Variants in TEX11 observed in about 807,000 individuals in gnomAD.
TEX11 encodes testis expressed 11, also known as testis-expressed protein 11.
In TEX11, 7 loss-of-function variants were observed where a neutral mutation model predicts 84.4. The ratio of observed to expected loss-of-function variants is 0.08; its 90% CI spans 0.05 to 0.16. The LOEUF is 0.16. Ranked by LOEUF, TEX11 falls within the 10% of genes least tolerant of loss-of-function variation. The pLI, the probability that TEX11 is intolerant of heterozygous loss-of-function variation, is 1.00. For synonymous variants in TEX11, 264 were observed against 222.8 expected (o/e 1.18, Z -1.64); for missense variants, 551 against 660.5 (o/e 0.83, Z 1.82).
At chrX:70,832,038 C>T (rs1352790821) in intron 8 of TEX11, among the ~76,000 whole-genome samples, 3 of 111,494 alleles carry the variant, frequency 2.7e-5, no homozygotes, top group Non-Finnish European at 5.7e-5. Context: ...CTGAAAGACA[C>T]GATCTTAATC....
the TEX11 span, among the ~76,000 whole-genome samples, chrX:70,517,515 T>C: frequency 2.7e-5 from 3 of 111,512 alleles, no homozygotes; most frequent in Non-Finnish European, 5.6e-5. Flanking sequence ...GCTGCTGGAT[T>C]AGGTTTGCCA....
At chrX:70,529,318 GAA>G (rs759889253) in intron 29 of TEX11, 131 bp from the exon 30 acceptor site, 4 of 470,195 alleles carry the variant, frequency 8.5e-6, no homozygotes, top group Non-Finnish European at 1.5e-5. Flanking sequence ...GATTTGGGGA[GAA>G]AATACAGTCC....
intron 14 of TEX11, among the ~76,000 whole-genome samples, chrX:70,680,060 C>T: frequency 2.0e-5 from 1 of 49,726 alleles, no homozygotes; most frequent in Non-Finnish European, 4.0e-5. Context: ...TCTGCCCGGC[C>T]ACCACCCCGT....
intron 24 of TEX11, among the ~76,000 whole-genome samples, chrX:70,602,127 C>T (rs1379074454): frequency 3.8e-4 from 43 of 111,977 alleles, no homozygotes; most frequent in African/African-American, 1.4e-3. Flanking sequence ...GCAGAAGCGC[C>T]CCTCACCTCC....
At chrX:70,849,900 T>C (rs1189188231) in intron 7 of TEX11, among the ~76,000 whole-genome samples, 1 of 112,051 alleles carries the variant, frequency 8.9e-6, no homozygotes, top group African/African-American at 3.2e-5. Context: ...CATAGGATCT[T>C]GGTGTTAAAA....
intron 8 of TEX11, 97 bp from the exon 9 acceptor site, chrX:70,806,887 C>T: frequency 1.8e-6 from 1 of 541,264 alleles, no homozygotes; most frequent in East Asian, 3.8e-5. Flanking sequence ...GGTGCCACAT[C>T]ACTCCAGCCT....
At chrX:70,532,023 C>T (rs1406630500) in intron 28 of TEX11, among the ~76,000 whole-genome samples, 1 of 111,487 alleles carries the variant, frequency 9.0e-6, no homozygotes, top group Non-Finnish European at 1.9e-5. Flanking sequence ...AGCCTTTCCT[C>T]AATGTTCTTC....
At chrX:70,594,718 G>T (rs2088981489) in intron 24 of TEX11, among the ~76,000 whole-genome samples, 1 of 110,786 alleles carries the variant, frequency 9.0e-6, no homozygotes, top group South Asian at 4.0e-4. Context: ...GGAGGTAATT[G>T]AATCATGGGG....
chrX:70,564,714 T>A (rs1404304786), intron 25 of TEX11, among the ~76,000 whole-genome samples: 1 of 108,353 alleles, frequency 9.2e-6, no homozygotes, highest in African/African-American at 3.4e-5. Flanking sequence ...TTCATCCATG[T>A]CCCTACAAAG....
the TEX11 span, among the ~76,000 whole-genome samples, chrX:70,515,375 G>A: frequency 5.5e-3 from 592 of 107,267 alleles, 2 homozygotes; most frequent in African/African-American, 0.019. Flanking sequence ...GTGGTGTTTC[G>A]TTTTCTGTCC....
At chrX:70,622,969 C>A (rs1321866173) in intron 20 of TEX11, among the ~76,000 whole-genome samples, 1 of 111,894 alleles carries the variant, frequency 8.9e-6, no homozygotes, top group African/African-American at 3.2e-5. Context: ...AATATTTGGT[C>A]ATTATTCAAA....
intron 9 of TEX11, among the ~76,000 whole-genome samples, chrX:70,798,380 T>G (rs2091168487): frequency 8.9e-6 from 1 of 111,781 alleles, no homozygotes; most frequent in Admixed American, 9.5e-5. Context: ...GTTCATAGAT[T>G]GGAAGACTTA....
chrX:70,618,244 TCTATGGAAAATCA>T (rs1346266270), intron 20 of TEX11, among the ~76,000 whole-genome samples: 1 of 111,266 alleles, frequency 9.0e-6, no homozygotes, highest in Admixed American at 9.5e-5. Context: ...GGTGTATGAC[TCTATGGAAAATCA>T]CTATGGAAAT....
intron 28 of TEX11, among the ~76,000 whole-genome samples, chrX:70,539,038 A>ATATTT: frequency 2.4e-5 from 1 of 41,245 alleles, no homozygotes; most frequent in African/African-American, 9.2e-5. Context: ...ATATATATAT[A>ATATTT]TTTTTTTTTT....
At chrX:70,848,039 TA>T (rs1327898572) in intron 7 of TEX11, among the ~76,000 whole-genome samples, 1 of 111,590 alleles carries the variant, frequency 9.0e-6, no homozygotes, top group Non-Finnish European at 1.9e-5. Flanking sequence ...TCATTGGTAC[TA>T]CTATAGTACA....
At chrX:70,786,971 C>T (rs1306756955) in intron 9 of TEX11, among the ~76,000 whole-genome samples, 4 of 110,679 alleles carry the variant, frequency 3.6e-5, no homozygotes, top group Non-Finnish European at 5.7e-5. Context: ...CCCATCTCTA[C>T]TAAAAATACA....
At chrX:70,676,532 C>T (rs2090073125) in intron 15 of TEX11, among the ~76,000 whole-genome samples, 1 of 112,186 alleles carries the variant, frequency 8.9e-6, no homozygotes, top group Non-Finnish European at 1.9e-5. Flanking sequence ...AGGACATTCT[C>T]TTTATCACTG....
chrX:70,695,244 A>G (rs1173294075), intron 13 of TEX11, among the ~76,000 whole-genome samples: 1 of 112,435 alleles, frequency 8.9e-6, no homozygotes, highest in African/African-American at 3.2e-5. Context: ...GAACAGCTGA[A>G]TAGATAAACA....
At chrX:70,767,873 C>T (rs1343622514) in intron 9 of TEX11, among the ~76,000 whole-genome samples, 1 of 111,015 alleles carries the variant, frequency 9.0e-6, no homozygotes, top group Non-Finnish European at 1.9e-5. Context: ...AAGCCAGGCA[C>T]GGAAAGACAA....
Sources: allele counts gnomAD v4.1 joint callset (sites outside exome capture counted in the v4.1 genomes callset), GRCh38; gene constraint gnomAD v4.1.1; transcripts MANE v1.5; gene names NCBI Gene and HGNC (gene_info 2026-07-23, HGNC 2026-07-21).